The following GABRG1 variants were observed in gnomAD, a reference collection of about 807,000 sequenced individuals.
GABRG1 encodes gamma-aminobutyric acid type A receptor subunit gamma1.
GABRG1 carries 49 observed loss-of-function variants against 49.8 expected under a neutral mutation model. That is an observed-to-expected ratio of 0.98 (90% CI 0.78 to 1.25). GABRG1 has a LOEUF of 1.25. Ranked by LOEUF, GABRG1 falls within the 50% of genes most tolerant of loss-of-function variation. GABRG1 has a pLI of 0.00. For missense variants in GABRG1, 552 were observed against 552.3 expected (o/e 1.00, Z 0.01); for synonymous variants, 232 against 185.1 (o/e 1.25, Z -2.06).
chr4:46,044,865 C>T (rs114963346), intron 8 of GABRG1, among the ~76,000 whole-genome samples: 1,833 of 152,200 alleles, frequency 0.012, 36 homozygotes, highest in African/African-American at 0.042. Context: ...TGAGAAGAAA[C>T]TTTCACTATC....
chr4:46,047,665 ATT>A (rs1487877910), intron 8 of GABRG1, among the ~76,000 whole-genome samples: 1 of 151,874 alleles, frequency 6.6e-6, no homozygotes, highest in East Asian at 1.9e-4. Context: ...AAATAAAAAT[ATT>A]GTTATTTAAA....
intron 2 of GABRG1, among the ~76,000 whole-genome samples, chr4:46,089,428 C>T (rs1024445125): frequency 3.9e-5 from 6 of 152,020 alleles, no homozygotes; most frequent in Non-Finnish European, 8.8e-5. Context: ...ATATCTCCCC[C>T]ATGTCCCCAT....
At chr4:46,117,400 T>C (rs1156940031) in intron 1 of GABRG1, among the ~76,000 whole-genome samples, 1 of 150,294 alleles carries the variant, frequency 6.7e-6, no homozygotes, top group Non-Finnish European at 1.5e-5. Flanking sequence ...AACTAAATTA[T>C]ATAGCCTTCA....
At chr4:46,113,142 G>A (rs1391168) in intron 1 of GABRG1, among the ~76,000 whole-genome samples, 84,259 of 150,746 alleles carry the variant, frequency 0.56, 24,949 homozygotes, top group African/African-American at 0.75. Flanking sequence ...CTCCTTGCCC[G>A]GCTTATTTGT....
At position 46,040,907 on chromosome 4, in the gene GABRG1, T is replaced by G; in HGVS notation, c.*81A>C. On this transcript the variant is annotated 3_prime_UTR_variant, in exon 9 of 9. Transcript: ENST00000295452. The stretch of plus-strand genomic sequence containing the variant: ...CCATTGGTCTCTCTGCATTTTAAAT[T>G]TAAACTTCAAGTTACTGAAGCACAA... 2.9e-6 allele frequency: 4 copies of G among 1,394,916 alleles called. No homozygotes were observed. Among genetic ancestry groups the G allele is most frequent in the Non-Finnish European group, 3.9e-6 (4 of 1,022,718 alleles). 86.4% of individuals were successfully genotyped at this position (1,394,916 alleles called of 1,614,324 possible).
At chr4:46,051,044 C>T (rs1407424615) in intron 8 of GABRG1, among the ~76,000 whole-genome samples, 1 of 151,774 alleles carries the variant, frequency 6.6e-6, no homozygotes, top group Non-Finnish European at 1.5e-5. Flanking sequence ...CACTTTTAAA[C>T]ACAGTTGGAC....
At position 46,058,599 on chromosome 4, in the gene GABRG1, C is replaced by G. The variant is rs745360102; in HGVS notation, c.649G>C (p.Glu217Gln). 6.2e-7 allele frequency: 1 copy of G among 1,612,214 alleles called. No homozygotes were observed. The highest frequency in any genetic ancestry group is 8.5e-7 in the Non-Finnish European group (1 of 1,178,938). Residue 217 changes from glutamate (E) to glutamine (Q), a missense_variant, in exon 6 of 9, where the codon GAG becomes CAG. Coordinates refer to ENST00000295452, the MANE Select transcript of GABRG1 (RefSeq NM_173536.4). ...ACGGAGGGCTTTTTCCACTTATACT[C>G]AATTTCATTTTTAGGGTATCCATCT... ...SSYGYPKNEI[E>Q]YKWKKPSVEV...
At chr4:46,104,412 T>C (rs1720471563) in intron 1 of GABRG1, among the ~76,000 whole-genome samples, 1 of 151,514 alleles carries the variant, frequency 6.6e-6, no homozygotes, top group Non-Finnish European at 1.5e-5. Context: ...TGCCGTGTTG[T>C]TGTAAATGTA....
chr4:46,086,996 T>C (rs1719786655), intron 2 of GABRG1, among the ~76,000 whole-genome samples: 1 of 151,734 alleles, frequency 6.6e-6, no homozygotes, highest in South Asian at 2.1e-4. Flanking sequence ...GAGTCAACTG[T>C]TTTTACCTGC....
chr4:46,089,590 A>T (rs1719906951), intron 2 of GABRG1, among the ~76,000 whole-genome samples: 1 of 152,106 alleles, frequency 6.6e-6, no homozygotes, highest in Non-Finnish European at 1.5e-5. Flanking sequence ...TGGATATTAA[A>T]TTTTTATATT....
chr4:46,049,042 AT>A (rs925766103), intron 8 of GABRG1, among the ~76,000 whole-genome samples: 190 of 151,746 alleles, frequency 1.3e-3, no homozygotes, highest in African/African-American at 4.3e-3. Context: ...AGCCCTAAAC[AT>A]TTTTTTTAAA....
At position 46,084,065 on chromosome 4, in the gene GABRG1, C is replaced by A. The variant is rs1367772510; in HGVS notation, c.254-12G>T. 6 of 1,516,490 alleles carry A rather than the reference C, an allele frequency of 4.0e-6. No homozygotes were observed. In the African/African-American group the frequency reaches 7.0e-5, roughly 18 times the overall value. 93.9% of individuals were successfully genotyped at this position (1,516,490 alleles called of 1,614,324 possible). A position where few individuals can be genotyped will look rare whatever the true frequency, so the allele number is the denominator to read the frequency against. On this transcript the variant is annotated splice_polypyrimidine_tract_variant and intron_variant, in intron 2 of 8. Coordinates refer to ENST00000295452, the MANE Select transcript of GABRG1 (RefSeq NM_173536.4). ...TACTGTGGGCCTCACTGCAAAATAT[C>A]AACAAAAAGAAAGGTCAAAGATATG...
chr4:46,060,373 A>G (rs1202943774), intron 5 of GABRG1, among the ~76,000 whole-genome samples: 3 of 152,084 alleles, frequency 2.0e-5, no homozygotes, highest in Non-Finnish European at 4.4e-5. Context: ...CTACCATCTT[A>G]CAATACCATC....
chr4:46,118,228 T>G (rs1720990675), intron 1 of GABRG1, among the ~76,000 whole-genome samples: 1 of 146,836 alleles, frequency 6.8e-6, no homozygotes, highest in African/African-American at 2.6e-5. Context: ...GATGTAAGGA[T>G]ATATATTACA....
intron 5 of GABRG1, among the ~76,000 whole-genome samples, chr4:46,060,320 G>A (rs190224873): frequency 6.6e-6 from 1 of 151,742 alleles, no homozygotes; most frequent in Admixed American, 6.6e-5. Flanking sequence ...AACTGGTCAG[G>A]CTTTTGTATG....
intron 1 of GABRG1, among the ~76,000 whole-genome samples, chr4:46,101,953 GACA>G (rs767036645): frequency 2.2e-4 from 34 of 151,580 alleles, no homozygotes; most frequent in Non-Finnish European, 4.7e-4. Flanking sequence ...ATACTAGTGA[GACA>G]ATAGAAAATT....
At chr4:46,108,480 T>G (rs1560373757) in intron 1 of GABRG1, among the ~76,000 whole-genome samples, 1 of 151,112 alleles carries the variant, frequency 6.6e-6, no homozygotes, top group Non-Finnish European at 1.5e-5. Context: ...ATCTTAAAAT[T>G]TGTTCAAAAC....
chr4:46,115,479 CA>C (rs1720854964), intron 1 of GABRG1, among the ~76,000 whole-genome samples: 1 of 150,268 alleles, frequency 6.7e-6, no homozygotes, highest in South Asian at 2.1e-4. Flanking sequence ...TCAACAACAG[CA>C]ACAATTGAAA....
chr4:46,090,378 A>G (rs1172042676), intron 2 of GABRG1, among the ~76,000 whole-genome samples: 5 of 152,048 alleles, frequency 3.3e-5, no homozygotes, highest in Admixed American at 2.6e-4. Context: ...CTATCAAAAT[A>G]CCTACACATG....
Sources: gnomAD v4.1 joint callset for allele counts (sites outside exome capture counted in the v4.1 genomes callset) on GRCh38, gnomAD v4.1.1 for gene constraint, MANE v1.5 for transcripts, NCBI Gene and HGNC (gene_info 2026-07-23, HGNC 2026-07-21) for gene names.